Variants in NPAS3 observed in about 807,000 individuals in gnomAD.
NPAS3 encodes the protein neuronal PAS domain protein 3.
NPAS3 carries 14 observed loss-of-function variants against 73.1 expected under a neutral mutation model. The observed-to-expected ratio is 0.19, with a 90% confidence interval of 0.13 to 0.30. The LOEUF (loss-of-function observed/expected upper bound fraction) is 0.30, where lower values mean the gene tolerates loss of function less well. Among genes scored for constraint, NPAS3 ranks in the 10% least tolerant of loss-of-function variants. The pLI, the probability that NPAS3 is intolerant of heterozygous loss-of-function variation, is 1.00. For synonymous variants in NPAS3, 620 were observed against 541.5 expected (o/e 1.14, Z -2.01); for missense variants, 1,096 against 1,250.0 (o/e 0.88, Z 1.86).
chr14:33,293,148 A>G (rs1222677430), intron 3 of NPAS3, among the ~76,000 whole-genome samples: 4 of 152,140 alleles, frequency 2.6e-5, no homozygotes, highest in African/African-American at 9.7e-5. Flanking sequence ...GACGAACCCT[A>G]ATTTCTCCAG....
At chr14:33,062,128 G>A (rs754928301) in intron 2 of NPAS3, among the ~76,000 whole-genome samples, 1 of 152,128 alleles carries the variant, frequency 6.6e-6, no homozygotes, top group Non-Finnish European at 1.5e-5. Flanking sequence ...TTTCAGGAGT[G>A]TGACAGAGAC....
At chr14:33,784,454 G>C (rs1489170179) in intron 9 of NPAS3, among the ~76,000 whole-genome samples, 1 of 152,168 alleles carries the variant, frequency 6.6e-6, no homozygotes. Context: ...CAACTAAGGG[G>C]AGGATGGAGA....
chr14:33,106,974 G>C lies in NPAS3; in HGVS notation c.140+50980G>C, dbSNP rs566393517. 3.3e-5 allele frequency among the ~76,000 whole-genome samples: 5 copies of C among 152,204 alleles called. No homozygotes were observed. In the East Asian group the frequency reaches 9.7e-4, roughly 29 times the overall value. ...GTACTTGCATTTACTTTTAGGATTG[G>C]GTTGGGGGACCATGGACTATTGCTT... On this transcript the variant is annotated intron_variant, in intron 2 of 11. Coordinates refer to ENST00000356141, the Ensembl canonical transcript of NPAS3.
At chr14:33,589,513 G>A (rs79305620) in intron 5 of NPAS3, among the ~76,000 whole-genome samples, 7,949 of 152,264 alleles carry the variant, frequency 0.052, 268 homozygotes, top group South Asian at 0.12. Flanking sequence ...AAATTAGTCA[G>A]CGTTGGATGA....
chr14:32,963,825 A>T (rs543920466), intron 1 of NPAS3, among the ~76,000 whole-genome samples: 2 of 152,290 alleles, frequency 1.3e-5, no homozygotes, highest in South Asian at 4.1e-4. Context: ...AAGTAATATG[A>T]TAATTGCATG....
At chr14:33,444,863 C>T (rs1045910478) in intron 4 of NPAS3, among the ~76,000 whole-genome samples, 2 of 152,250 alleles carry the variant, frequency 1.3e-5, no homozygotes, top group South Asian at 4.1e-4. Context: ...CCGAATGTTA[C>T]TCCCAACAGA....
chr14:33,315,142 T>C (rs563043511), intron 3 of NPAS3, among the ~76,000 whole-genome samples: 1 of 152,130 alleles, frequency 6.6e-6, no homozygotes, highest in African/African-American at 2.4e-5. Flanking sequence ...GAAGCTATTG[T>C]CAGATAGGTA....
At chr14:33,335,788 G>A (rs10133504) in intron 3 of NPAS3, among the ~76,000 whole-genome samples, 3,198 of 152,170 alleles carry the variant, frequency 0.021, 130 homozygotes, top group African/African-American at 0.073. Context: ...TCTTATTATT[G>A]CTGAGAAGTA....
intron 3 of NPAS3, among the ~76,000 whole-genome samples, chr14:33,280,156 C>T (rs990071876): frequency 3.3e-5 from 5 of 152,040 alleles, no homozygotes; most frequent in African/African-American, 1.2e-4. Flanking sequence ...GGGTACCTGT[C>T]CAGGGACCAG....
At chr14:33,335,068 G>A (rs77751484) in intron 3 of NPAS3, among the ~76,000 whole-genome samples, 18 of 150,934 alleles carry the variant, frequency 1.2e-4, no homozygotes, top group African/African-American at 3.4e-4. Flanking sequence ...GTGTGTGTGT[G>A]TGTATCACAT....
At chr14:33,318,525 A>T (rs1194980421) in intron 3 of NPAS3, among the ~76,000 whole-genome samples, 1 of 152,078 alleles carries the variant, frequency 6.6e-6, no homozygotes, top group Non-Finnish European at 1.5e-5. Context: ...TAAAAATGTC[A>T]TTATGTTTAT....
rs192080338 is a variant in NPAS3 at position 33,693,627 on chromosome 14, A to G, written c.733+17242A>G. 4.6e-5 allele frequency among the ~76,000 whole-genome samples: 7 copies of G among 152,304 alleles called. No individual in the cohort carries two copies. The East Asian group carries it at 9.6e-4, about 21-fold the overall frequency. ...GTAGCGTAAAGATCAGTTTCTTGTA[A>G]TTATCTCTTTTGCCAAAGAGCTGCA... On this transcript the variant is annotated intron_variant, in intron 6 of 11. Transcript: ENST00000356141.
intron 2 of NPAS3, among the ~76,000 whole-genome samples, chr14:33,125,672 T>A (rs2043401544): frequency 6.6e-6 from 1 of 152,118 alleles, no homozygotes; most frequent in African/African-American, 2.4e-5. Context: ...CTGCTTCCTG[T>A]TTCATATATG....
At chr14:33,205,443 C>T (rs995765225) in intron 2 of NPAS3, among the ~76,000 whole-genome samples, 1 of 152,098 alleles carries the variant, frequency 6.6e-6, no homozygotes, top group East Asian at 1.9e-4. Flanking sequence ...CGACAAATTT[C>T]TAAGCCTTTG....
At chr14:33,242,404 A>C (rs2048240928) in intron 3 of NPAS3, among the ~76,000 whole-genome samples, 1 of 152,004 alleles carries the variant, frequency 6.6e-6, no homozygotes, top group African/African-American at 2.4e-5. Context: ...AGTGGTACAT[A>C]AGTAAGTGCC....
At chr14:33,257,379 C>G (rs1202338351) in intron 3 of NPAS3, among the ~76,000 whole-genome samples, 1 of 152,152 alleles carries the variant, frequency 6.6e-6, no homozygotes, top group Non-Finnish European at 1.5e-5. Context: ...TAATGAGTCC[C>G]TCTTTGGTAA....
At chr14:33,566,699 G>A (rs148887549) in intron 5 of NPAS3, among the ~76,000 whole-genome samples, 1 of 152,178 alleles carries the variant, frequency 6.6e-6, no homozygotes, top group African/African-American at 2.4e-5. Context: ...AACCTTACCA[G>A]TTTCTTTCTT....
rs113960267 is a variant in NPAS3 at position 33,124,059 on chromosome 14, G to T, written c.140+68065G>T. 3.5e-3 allele frequency among the ~76,000 whole-genome samples: 531 copies of T among 151,778 alleles called. 1 individual carries two copies. Among genetic ancestry groups the T allele is most frequent in the African/African-American group, 0.012 (507 of 41,402 alleles). On this transcript the variant is annotated intron_variant, in intron 2 of 11. Transcript: ENST00000356141. The stretch of plus-strand genomic sequence containing the variant: ...TGTAGAGACAGGGTCTTGCCATGTT[G>T]CCCTGGCTGGTCTTGAATTCCTGGG...
chr14:33,777,184 C>T (rs550571779), intron 8 of NPAS3, among the ~76,000 whole-genome samples: 88 of 152,214 alleles, frequency 5.8e-4, no homozygotes, highest in African/African-American at 2.0e-3. Context: ...TAATGACATC[C>T]TTGTTCCCTC....
Sources: allele counts gnomAD v4.1 joint callset (sites outside exome capture counted in the v4.1 genomes callset), GRCh38; gene constraint gnomAD v4.1.1; transcripts MANE v1.5; gene names NCBI Gene and HGNC (gene_info 2026-07-23, HGNC 2026-07-21).